PKP1: variants seen among roughly 807,000 people sequenced by gnomAD.
PKP1 encodes the protein plakophilin 1.
In PKP1, 27 loss-of-function variants were observed where a neutral mutation model predicts 76.4. The ratio of observed to expected loss-of-function variants is 0.35; its 90% CI spans 0.26 to 0.49. The LOEUF is 0.49. Ranked by LOEUF, PKP1 falls within the 20% of genes least tolerant of loss-of-function variation. The pLI is 0.99. For missense variants in PKP1, 964 were observed against 955.2 expected (o/e 1.01, Z -0.12); for synonymous variants, 404 against 384.2 (o/e 1.05, Z -0.60).
chr1:201,327,940 A>G (rs1265887257), intron 12 of PKP1, among the ~76,000 whole-genome samples: 2 of 152,200 alleles, frequency 1.3e-5, no homozygotes, highest in Admixed American at 1.3e-4. Context: ...TGAGCATGCC[A>G]ATCTGCAGAA....
chr1:201,318,565 C>T (rs1656840313), intron 5 of PKP1, 53 bp from the exon 6 acceptor site: 1 of 1,550,002 alleles, frequency 6.5e-7, no homozygotes, highest in South Asian at 1.1e-5. Context: ...TACCTCGGTC[C>T]CTAGGGCATC....
In PKP1 at chr1:201,323,109, C is replaced by T; in HGVS notation, c.1600C>T (p.Leu534Phe). The change falls in exon 9 of 14, where the codon CTC (leucine) becomes TTC (phenylalanine). Residue 534 changes from leucine (L) to phenylalanine (F), a missense_variant. Coordinates refer to ENST00000367324, the MANE Select transcript of PKP1 (RefSeq NM_001005337.3). ...AGATGCCATCCGCACCTACCTGAAC[C>T]TCATGGGCAAGAGCAAGAAAGATGC... ...HSDAIRTYLN[L>F]MGKSKKDATL... The T allele has an allele frequency of 1.9e-6, 3 of 1,614,194 alleles. No individual in the cohort carries two copies. Among genetic ancestry groups the T allele is most frequent in the African/African-American group, 1.3e-5 (1 of 75,048 alleles).
Position 201,311,922 on chromosome 1 carries a change from C to T in PKP1, c.307-1244C>T, listed in dbSNP as rs1003815289. On this transcript the variant is annotated intron_variant, in intron 2 of 13. Transcript: ENST00000367324. The stretch of plus-strand genomic sequence containing the variant: ...GGACAGTTCTGTTCCAGAACTGATT[C>T]GCACCAAGTCTCCAACCTCACAGGC... Among the ~76,000 whole-genome samples the T allele has an allele frequency of 5.9e-5, 9 of 152,346 alleles. No individual in the cohort carries two copies. In the South Asian group the frequency reaches 1.4e-3, roughly 25 times the overall value.
intron 2 of PKP1, among the ~76,000 whole-genome samples, chr1:201,309,425 GTC>G (rs888869421): frequency 1.3e-5 from 2 of 152,156 alleles, no homozygotes; most frequent in African/African-American, 4.8e-5. Context: ...GAAGAAACAT[GTC>G]TCTCAGAATG....
At chr1:201,312,382 A>G (rs980544165) in intron 2 of PKP1, among the ~76,000 whole-genome samples, 9 of 152,222 alleles carry the variant, frequency 5.9e-5, no homozygotes, top group Non-Finnish European at 8.8e-5. Flanking sequence ...TGGGAATGGC[A>G]TAGGGCTTGG....
chr1:201,332,091 A>G lies in PKP1; in HGVS notation c.*2050A>G, dbSNP rs966148902. ...TTATGTTTTCTGGAGGAAAGTGGAG[A>G]CACAAGTCCTTGGCTTTAGGGCTCC... On this transcript the variant is annotated 3_prime_UTR_variant, in exon 14 of 14. Coordinates refer to ENST00000367324, the MANE Select transcript of PKP1 (RefSeq NM_001005337.3). The G allele has an allele frequency of 1.3e-5, 2 of 152,490 alleles. No individual in the cohort carries two copies. Among genetic ancestry groups the G allele is most frequent in the African/African-American group, 4.8e-5 (2 of 41,448 alleles). 9.4% of individuals were successfully genotyped at this position (152,490 alleles called of 1,614,324 possible).
chr1:201,286,207 G>C (rs1655730657), intron 1 of PKP1, among the ~76,000 whole-genome samples: 2 of 152,166 alleles, frequency 1.3e-5, no homozygotes. Context: ...GGTAGCTGTG[G>C]AAGGACCATG....
In PKP1 at chr1:201,322,085, C is replaced by G; in HGVS notation, c.1455C>G (p.Thr485=). The G allele has an allele frequency of 6.2e-7, 1 of 1,613,238 alleles. No homozygotes were observed. The highest frequency in any genetic ancestry group is 8.5e-7 in the Non-Finnish European group (1 of 1,180,012). ...QLEYNARNAY[T]EKSSTGCFSN... is the part of the protein sequence containing the mutation. ...AGTATAACGCCCGCAACGCCTACAC[C>G]GAGAAGTCCTCCACTGGCTGCTTCA... Residue 485 remains threonine, a synonymous_variant, in exon 8 of 14, where the codon ACC becomes ACG. Coordinates refer to ENST00000367324, the MANE Select transcript of PKP1 (RefSeq NM_001005337.3).
At chr1:201,299,119 A>G (rs1656151947) in intron 2 of PKP1, among the ~76,000 whole-genome samples, 1 of 152,206 alleles carries the variant, frequency 6.6e-6, no homozygotes, top group African/African-American at 2.4e-5. Flanking sequence ...AGCAGCAGAA[A>G]CAGACTGTCC....
Position 201,310,979 on chromosome 1 carries a change from AG to A in PKP1, c.307-2185del, listed in dbSNP as rs1165969428. Among the ~76,000 whole-genome samples the A allele has an allele frequency of 3.3e-5, 5 of 152,338 alleles. No individual in the cohort carries two copies. The South Asian group carries it at 1.0e-3, about 32-fold the overall frequency. On this transcript the variant is annotated intron_variant, in intron 2 of 13. Transcript: ENST00000367324. ...GAAAGCAAAGCCCAAAGCCTCTGAGAGGCTCAATCAGCATGATCACATGTTT... is the reference window on the plus strand; with the variant it reads ...GAAAGCAAAGCCCAAAGCCTCTGAGAGCTCAATCAGCATGATCACATGTTT...
chr1:201,324,703 G>T (rs182129148), intron 10 of PKP1, 122 bp downstream of exon 10: 57 of 1,311,778 alleles, frequency 4.3e-5, no homozygotes, highest in Non-Finnish European at 5.2e-5. Context: ...AAAGGAAGCT[G>T]GCCAAAGACA....
In PKP1 at chr1:201,284,008, G is replaced by T. The variant is rs565852643; in HGVS notation, c.202+104G>T. On this transcript the variant is annotated intron_variant, in intron 1 of 13. Coordinates refer to ENST00000367324, the MANE Select transcript of PKP1 (RefSeq NM_001005337.3). Reference sequence around the variant, plus strand: ...CGCATCCCCGGGGATGAGGGGAGGCGAGGGGCTGCCGGCCCCAGGCAGGGT... The same window carrying T: ...CGCATCCCCGGGGATGAGGGGAGGCTAGGGGCTGCCGGCCCCAGGCAGGGT... 6.7e-4 allele frequency: 715 copies of T among 1,071,442 alleles called. 7 individuals are homozygous for T. In the East Asian group the frequency reaches 0.018, roughly 27 times the overall value. 66.4% of individuals were successfully genotyped at this position (1,071,442 alleles called of 1,614,324 possible). A position where few individuals can be genotyped will look rare whatever the true frequency, so the allele number is the denominator to read the frequency against.
chr1:201,329,008 T>C, intron 13 of PKP1, 140 bp downstream of exon 13: 1 of 692,708 alleles, frequency 1.4e-6, no homozygotes, highest in Non-Finnish European at 2.6e-6. Context: ...CAAGCAGTTG[T>C]GTAGACTGCT....
At chr1:201,303,267 C>T (rs576683553) in intron 2 of PKP1, among the ~76,000 whole-genome samples, 3 of 152,260 alleles carry the variant, frequency 2.0e-5, no homozygotes, top group South Asian at 4.2e-4. Flanking sequence ...ATCCTCCCGC[C>T]TCAGACTTCC....
At chr1:201,300,284 C>T (rs1656189883) in intron 2 of PKP1, among the ~76,000 whole-genome samples, 1 of 152,250 alleles carries the variant, frequency 6.6e-6, no homozygotes, top group Non-Finnish European at 1.5e-5. Flanking sequence ...CTGGGACACT[C>T]CCTGTATTAA....
chr1:201,303,602 A>AT (rs1232195307), intron 2 of PKP1, among the ~76,000 whole-genome samples: 2 of 152,044 alleles, frequency 1.3e-5, no homozygotes, highest in Non-Finnish European at 2.9e-5. Flanking sequence ...GAAAAGTTTT[A>AT]TTTTTTTGTT....
intron 10 of PKP1, 67 bp from the exon 11 acceptor site, chr1:201,324,874 A>C (rs1278749026): frequency 6.8e-7 from 1 of 1,470,656 alleles, no homozygotes; most frequent in Non-Finnish European, 9.4e-7. Flanking sequence ...GTGGCCCCAG[A>C]GGGAACCCCT....
chr1:201,289,846 TAGG>T (rs991862092), intron 1 of PKP1, among the ~76,000 whole-genome samples: 2 of 152,154 alleles, frequency 1.3e-5, no homozygotes, highest in African/African-American at 2.4e-5. Flanking sequence ...CGGTCATCTT[TAGG>T]AGAAGCTGAT....
intron 13 of PKP1, among the ~76,000 whole-genome samples, chr1:201,329,717 G>T (rs1194273771): frequency 6.6e-6 from 1 of 152,194 alleles, no homozygotes. Context: ...TGTAACTTTG[G>T]TCTGGATGAA....
Sources: gnomAD v4.1 joint callset for allele counts (sites outside exome capture counted in the v4.1 genomes callset) on GRCh38, gnomAD v4.1.1 for gene constraint, MANE v1.5 for transcripts, NCBI Gene and HGNC (gene_info 2026-07-23, HGNC 2026-07-21) for gene names.